MMRN1: variants seen among roughly 807,000 people sequenced by gnomAD.
The protein encoded by MMRN1 is multimerin 1.
Under a neutral mutation model 100.7 loss-of-function variants are expected in MMRN1, and 94 were observed. The ratio of observed to expected loss-of-function variants is 0.93; its 90% CI spans 0.79 to 1.11. The LOEUF is 1.11. Among genes scored for constraint, MMRN1 ranks in the 50% least tolerant of loss-of-function variants. MMRN1 has a pLI of 0.00. For synonymous variants in MMRN1, 575 were observed against 505.0 expected (o/e 1.14, Z -1.86); for missense variants, 1,606 against 1,439.1 (o/e 1.12, Z -1.88).
rs1180316437 is a variant in MMRN1, at chr4:89,909,250, T to C, written c.624-26T>C. ...GAATTCTTTTTTGACAACAGTTTTT[T>C]CCCTAACAATTATGATCTTCTTTAG... On this transcript the variant is annotated intron_variant, in intron 1 of 7. Transcript: ENST00000264790. 12 of 1,560,630 alleles carry C rather than the reference T, an allele frequency of 7.7e-6. No individual in the cohort carries two copies. The Admixed American group carries it at 8.1e-5, about 11-fold the overall frequency.
At chr4:89,886,725 A>G (rs1720944209) in intron 1 of MMRN1, among the ~76,000 whole-genome samples, 1 of 151,666 alleles carries the variant, frequency 6.6e-6, no homozygotes, top group South Asian at 2.1e-4. Flanking sequence ...TTTTATTTTT[A>G]TGGCTACATA....
At chr4:89,912,080 T>C (rs1489969438) in intron 3 of MMRN1, 30 bp downstream of exon 3, 3 of 1,423,788 alleles carry the variant, frequency 2.1e-6, no homozygotes, top group Non-Finnish European at 2.9e-6. Flanking sequence ...ATCACAATTC[T>C]GAACAATAAG....
chr4:89,935,186 T>A lies in MMRN1; in HGVS notation c.1506T>A (p.Tyr502Ter). 4 of 1,613,428 alleles carry A rather than the reference T, an allele frequency of 2.5e-6. No individual in the cohort carries two copies. Among genetic ancestry groups the A allele is most frequent in the Non-Finnish European group, 3.4e-6 (4 of 1,179,694 alleles). The change falls in exon 6 of 8, where the codon TAT becomes TAA. Residue 502 changes from tyrosine (Y) to a stop codon, truncating the protein, a stop_gained. Coordinates refer to ENST00000264790, the MANE Select transcript of MMRN1 (RefSeq NM_007351.3). LOFTEE classifies it high-confidence loss of function. ...AGGAACACTCAAGAAGCATTCTGTA[T>A]TATGAATCCCTCAATAAAACTCTTT... ...LEQEHSRSIL[Y>*]YESLNKTLSK...
Position 89,953,209 on chromosome 4 carries a change from G to A in MMRN1, c.3478G>A (p.Gly1160Arg). 3.7e-6 allele frequency: 6 copies of A among 1,613,760 alleles called. No individual in the cohort carries two copies. The highest frequency in any genetic ancestry group is 5.1e-6 in the Non-Finnish European group (6 of 1,179,816). ...TIESFSAHIS[G>R]FLVVDGIDKL... ...CGAGTCATTTAGTGCTCATATTTCTGGATTTTTAGTGGTTGATGGAATAGA... is the reference window on the plus strand; with the variant it reads ...CGAGTCATTTAGTGCTCATATTTCTAGATTTTTAGTGGTTGATGGAATAGA... The change falls in exon 8 of 8, where the codon GGA (glycine) becomes AGA (arginine). Residue 1160 changes from glycine (G) to arginine (R), a missense_variant. Physicochemically the swap from Gly to Arg is moderately radical, Grantham distance 125 (BLOSUM62 -2). Coordinates refer to ENST00000264790, the MANE Select transcript of MMRN1 (RefSeq NM_007351.3).
At chr4:89,942,148 G>A (rs1560597973) in intron 6 of MMRN1, among the ~76,000 whole-genome samples, 1 of 152,088 alleles carries the variant, frequency 6.6e-6, no homozygotes, top group South Asian at 2.1e-4. Context: ...GGAATTCCAG[G>A]TTCCATTTAC....
rs1463826311 is a variant in MMRN1, at chr4:89,927,914, C to T, written c.1075C>T (p.Leu359=). ...VNDVRNTYSS[L]EGKVSEDKSR... is the part of the protein sequence containing the mutation. ...TGATGTAAGGAACACTTACTCCTCC[C>T]TAGAAGGAAAAGTCAGCGAAGATAA... The change falls in exon 5 of 8, where the codon CTA becomes TTA. Residue 359 remains leucine, a synonymous_variant. Transcript: ENST00000264790. The T allele has an allele frequency of 6.2e-7, 1 of 1,609,006 alleles. No individual in the cohort carries two copies. The highest frequency in any genetic ancestry group is 2.2e-5 in the East Asian group (1 of 44,610).
At chr4:89,918,295 G>A (rs1001836303) in intron 3 of MMRN1, among the ~76,000 whole-genome samples, 8 of 151,056 alleles carry the variant, frequency 5.3e-5, no homozygotes, top group East Asian at 1.9e-4. Flanking sequence ...TTCTTTTCTC[G>A]TAAAGCTGAA....
chr4:89,894,997 T>C lies in MMRN1; in HGVS notation c.26T>C (p.Leu9Pro). The C allele has an allele frequency of 6.2e-7, 1 of 1,612,234 alleles. No homozygotes were observed. Among genetic ancestry groups the C allele is most frequent in the Non-Finnish European group, 8.5e-7 (1 of 1,178,886 alleles). MKGARLFV[L>P]LSSLWSGGIG... ...ATGAAGGGGGCAAGATTATTTGTCC[T>C]TCTTTCTAGTTTATGGAGTGGGGGC... The change falls in exon 1 of 8, where the codon CTT (leucine) becomes CCT (proline). Residue 9 changes from leucine (L) to proline (P), a missense_variant. Coordinates refer to ENST00000264790, the MANE Select transcript of MMRN1 (RefSeq NM_007351.3).
Position 89,935,002 on chromosome 4 carries a change from A to G in MMRN1, c.1322A>G (p.Gln441Arg), listed in dbSNP as rs1244895512. 1 of 1,612,908 alleles carries G rather than the reference A, an allele frequency of 6.2e-7. No individual in the cohort carries two copies. The highest frequency in any genetic ancestry group is 1.1e-5 in the South Asian group (1 of 90,776). ...TCTGTGGTTTCAATAGCAGCCCAGC[A>G]AAAGTTTGTTTTGGTGCAAGAGAAT... ...NESVVSIAAQ[Q>R]KFVLVQENRP... The change falls in exon 6 of 8, where the codon CAA becomes CGA. Residue 441 changes from glutamine to arginine, a missense_variant. By Grantham distance (43) the Gln-to-Arg change is conservative. Transcript: ENST00000264790.
chr4:89,919,938 T>C (rs540750201), intron 3 of MMRN1, among the ~76,000 whole-genome samples: 10 of 152,244 alleles, frequency 6.6e-5, no homozygotes, highest in African/African-American at 2.4e-4. Flanking sequence ...TCATAAGCAA[T>C]GATAAACTGT....
At chr4:89,945,524 A>G (rs1722961093) in intron 6 of MMRN1, among the ~76,000 whole-genome samples, 1 of 152,154 alleles carries the variant, frequency 6.6e-6, no homozygotes, top group Non-Finnish European at 1.5e-5. Context: ...TAGTAGGTAC[A>G]TAGTTATATC....
At position 89,934,920 on chromosome 4, in the gene MMRN1, T is replaced by G. The variant is rs189386556; in HGVS notation, c.1240T>G (p.Ser414Ala). Residue 414 changes from serine to alanine, a missense_variant, in exon 6 of 8, where the codon TCA becomes GCA. By Grantham distance (99) the Ser-to-Ala change is moderately conservative. Transcript: ENST00000264790. Reference sequence around the variant, plus strand: ...TGTAGCACAGCTCTTCAAGACTGTATCAAGTCTATCAGAGGACCTCGAAAG... The same window carrying G: ...TGTAGCACAGCTCTTCAAGACTGTAGCAAGTCTATCAGAGGACCTCGAAAG... ...ETVAQLFKTV[S>A]SLSEDLESTR... 6.2e-7 allele frequency: 1 copy of G among 1,613,602 alleles called. No homozygotes were observed.
chr4:89,897,488 G>A (rs112334424), intron 1 of MMRN1, among the ~76,000 whole-genome samples: 8,493 of 152,112 alleles, frequency 0.056, 353 homozygotes, highest in African/African-American at 0.12. Flanking sequence ...GATTACAGGC[G>A]TGAGCCACCG....
intron 4 of MMRN1, among the ~76,000 whole-genome samples, chr4:89,926,930 A>C (rs2110620783): frequency 6.6e-6 from 1 of 152,192 alleles, no homozygotes; most frequent in East Asian, 1.9e-4. Flanking sequence ...AAATGAGCTC[A>C]CTGTAGATAC....
In MMRN1 at chr4:89,953,374, C is replaced by T. The variant is rs773614750; in HGVS notation, c.3643C>T (p.Pro1215Ser). The T allele has an allele frequency of 4.3e-6, 7 of 1,612,462 alleles. No individual in the cohort carries two copies. Among genetic ancestry groups the T allele is most frequent in the Non-Finnish European group, 5.1e-6 (6 of 1,179,322 alleles). The change falls in exon 8 of 8, where the codon CCC becomes TCC. Residue 1215 changes from proline (P) to serine (S), a missense_variant. Physicochemically the swap from Pro to Ser is moderately conservative, Grantham distance 74. Transcript: ENST00000264790. ...AAAAGGAACAATTCCAGCCAAGTTT[C>T]CCCCTGTTACTACATTTAGTGGCTA... Reference protein sequence around the residue: ...LAKGTIPAKFPPVTTFSGYLL... With the variant: ...LAKGTIPAKFSPVTTFSGYLL...
At chr4:89,881,436 C>G (rs1267852180) in intron 1 of MMRN1, among the ~76,000 whole-genome samples, 1 of 151,888 alleles carries the variant, frequency 6.6e-6, no homozygotes, top group East Asian at 1.9e-4. Flanking sequence ...GTTGTATGTA[C>G]TTGTTTTGTT....
At chr4:89,945,388 GA>G (rs1403178032) in intron 6 of MMRN1, among the ~76,000 whole-genome samples, 1 of 152,078 alleles carries the variant, frequency 6.6e-6, no homozygotes, top group Non-Finnish European at 1.5e-5. Flanking sequence ...TTGGTTATAA[GA>G]TACATAGTTT....
chr4:89,901,650 A>G lies in MMRN1; in HGVS notation c.623+6056A>G, dbSNP rs147757545. 9.7e-3 allele frequency among the ~76,000 whole-genome samples: 1,474 copies of G among 152,114 alleles called. 27 individuals carry two copies. Among genetic ancestry groups the G allele is most frequent in the African/African-American group, 0.033 (1,357 of 41,542 alleles). ...ATTATACTAAAGGGTATTTTCTTAT[A>G]TCTTTGTGAAATAGATGTCTCTATT... is the stretch of plus-strand genomic sequence containing the variant. On this transcript the variant is annotated intron_variant, in intron 1 of 7. Transcript: ENST00000264790.
At chr4:89,940,661 T>C (rs1360067458) in intron 6 of MMRN1, among the ~76,000 whole-genome samples, 1 of 152,146 alleles carries the variant, frequency 6.6e-6, no homozygotes, top group African/African-American at 2.4e-5. Flanking sequence ...GGCCTTTCTT[T>C]CCTCATTTAT....
Sources: gnomAD v4.1 joint callset for allele counts (sites outside exome capture counted in the v4.1 genomes callset) on GRCh38, gnomAD v4.1.1 for gene constraint, MANE v1.5 for transcripts, NCBI Gene and HGNC (gene_info 2026-07-23, HGNC 2026-07-21) for gene names.